Variants in DLG2 observed in about 807,000 individuals in gnomAD.
DLG2 encodes the protein disks large homolog 2.
A neutral mutation model predicts 132.5 loss-of-function variants in DLG2; 45 were observed. That is an observed-to-expected ratio of 0.34 (90% CI 0.27 to 0.44). The LOEUF (loss-of-function observed/expected upper bound fraction) is 0.44. Among genes scored for constraint, DLG2 ranks in the 20% least tolerant of loss-of-function variants. The probability of loss-of-function intolerance (pLI) is 1.00; values close to 1 mark genes in which losing one functional copy is unlikely to be tolerated. For synonymous variants in DLG2, 424 were observed against 419.6 expected, an observed-to-expected ratio of 1.01 and a Z score of -0.13; for missense variants, 1,045 against 1,196.9, an observed-to-expected ratio of 0.87 and a Z score of 1.87.
intron 22 of DLG2, among the ~76,000 whole-genome samples, chr11:83,478,912 T>A (rs984531760): frequency 2.0e-5 from 3 of 152,040 alleles, no homozygotes; most frequent in African/African-American, 7.2e-5. Context: ...GCTTAGTTTC[T>A]TGGTTTAAAA....
At chr11:83,964,664 T>C (rs1256988250) in intron 13 of DLG2, among the ~76,000 whole-genome samples, 2 of 151,988 alleles carry the variant, frequency 1.3e-5, no homozygotes, top group East Asian at 1.9e-4. Context: ...AAGATTCGTG[T>C]TGACCTATTA....
At chr11:84,292,868 G>T (rs2098024707) in intron 7 of DLG2, among the ~76,000 whole-genome samples, 1 of 151,784 alleles carries the variant, frequency 6.6e-6, no homozygotes, top group South Asian at 2.1e-4. Context: ...AATTATCTTG[G>T]GCCACACATA....
chr11:84,278,573 AT>A (rs2097812550), intron 7 of DLG2, among the ~76,000 whole-genome samples: 1 of 152,138 alleles, frequency 6.6e-6, no homozygotes, highest in African/African-American at 2.4e-5. Context: ...ACAAGCAAAA[AT>A]TCTTAAAAAA....
chr11:83,926,057 A>T (rs1222014838), intron 15 of DLG2, among the ~76,000 whole-genome samples: 1 of 152,084 alleles, frequency 6.6e-6, no homozygotes, highest in African/African-American at 2.4e-5. Context: ...AGCCATAGGC[A>T]CTGTGCCAAG....
At chr11:85,598,081 A>C (rs2153233574) in intron 3 of DLG2, among the ~76,000 whole-genome samples, 1 of 152,114 alleles carries the variant, frequency 6.6e-6, no homozygotes, top group South Asian at 2.1e-4. Flanking sequence ...AATAAACATA[A>C]GTTTAAACAT....
intron 6 of DLG2, among the ~76,000 whole-genome samples, chr11:85,055,080 G>T (rs1396457032): frequency 2.6e-5 from 4 of 152,070 alleles, no homozygotes; most frequent in Non-Finnish European, 5.9e-5. Context: ...ACAATGGACT[G>T]GATTCTAACA....
At chr11:85,084,194 T>A (rs1030030041) in intron 6 of DLG2, among the ~76,000 whole-genome samples, 4 of 151,696 alleles carry the variant, frequency 2.6e-5, no homozygotes, top group Admixed American at 6.6e-5. Context: ...AGAAGAAAAA[T>A]TGATTATGGA....
chr11:84,236,924 T>G (rs1025445717), intron 8 of DLG2, among the ~76,000 whole-genome samples: 30 of 140,690 alleles, frequency 2.1e-4, no homozygotes, highest in Admixed American at 3.6e-4. Flanking sequence ...CATCAGTATG[T>G]TTTTTTTTTT....
At chr11:83,931,805 T>C (rs2080288486) in intron 14 of DLG2, among the ~76,000 whole-genome samples, 1 of 152,184 alleles carries the variant, frequency 6.6e-6, no homozygotes. Flanking sequence ...ACCTCGGATT[T>C]TAGAAGAAGG....
At chr11:84,193,514 A>G (rs2096455933) in intron 8 of DLG2, among the ~76,000 whole-genome samples, 1 of 152,230 alleles carries the variant, frequency 6.6e-6, no homozygotes, top group South Asian at 2.1e-4. Context: ...GTTCATTGTT[A>G]TTATACAGTG....
chr11:84,866,700 C>T (rs10898310), intron 6 of DLG2, among the ~76,000 whole-genome samples: 67,004 of 151,992 alleles, frequency 0.44, 15,246 homozygotes, highest in African/African-American at 0.49. Context: ...ATTATAATAA[C>T]TGAAGACACA....
intron 16 of DLG2, among the ~76,000 whole-genome samples, chr11:83,863,919 A>C (rs2154053375): frequency 6.6e-6 from 1 of 152,284 alleles, no homozygotes; most frequent in Non-Finnish European, 1.5e-5. Flanking sequence ...ATGCTCACAC[A>C]TTTTATTATC....
intron 6 of DLG2, among the ~76,000 whole-genome samples, chr11:84,746,497 A>G (rs1597190241): frequency 6.6e-6 from 1 of 152,012 alleles, no homozygotes; most frequent in East Asian, 1.9e-4. Flanking sequence ...GTGAAGTTAA[A>G]GTTATTTTGC....
intron 7 of DLG2, among the ~76,000 whole-genome samples, chr11:84,333,535 T>G (rs566983507): frequency 6.6e-6 from 1 of 152,222 alleles, no homozygotes; most frequent in Non-Finnish European, 1.5e-5. Flanking sequence ...CAATAACTTT[T>G]GAAGCTGCCA....
chr11:84,550,136 A>ACG (rs2154523880), intron 6 of DLG2, among the ~76,000 whole-genome samples: 1 of 152,002 alleles, frequency 6.6e-6, no homozygotes, highest in East Asian at 1.9e-4. Flanking sequence ...ACACACACAC[A>ACG]CACACACACA....
chr11:85,581,025 G>C (rs540320808), intron 3 of DLG2, among the ~76,000 whole-genome samples: 11 of 152,084 alleles, frequency 7.2e-5, no homozygotes, highest in Non-Finnish European at 1.3e-4. Flanking sequence ...CCACTAATGG[G>C]GGGGCACCAG....
At chr11:83,910,955 CAA>C (rs1231739775) in intron 15 of DLG2, among the ~76,000 whole-genome samples, 5 of 152,088 alleles carry the variant, frequency 3.3e-5, no homozygotes, top group African/African-American at 1.2e-4. Context: ...GTTAATGAGA[CAA>C]GACCACAGAA....
At chr11:84,761,366 C>A (rs901455971) in intron 6 of DLG2, among the ~76,000 whole-genome samples, 2 of 152,178 alleles carry the variant, frequency 1.3e-5, no homozygotes, top group African/African-American at 4.8e-5. Context: ...TCTGAAAGGG[C>A]AGACAGCCTA....
At chr11:85,094,612 T>C (rs1327741429) in intron 6 of DLG2, among the ~76,000 whole-genome samples, 2 of 152,320 alleles carry the variant, frequency 1.3e-5, no homozygotes, top group Non-Finnish European at 2.9e-5. Context: ...GCTTGCAACT[T>C]TTCCTCTTGG....
Sources: allele counts gnomAD v4.1 joint callset (sites outside exome capture counted in the v4.1 genomes callset), GRCh38; gene constraint gnomAD v4.1.1; transcripts MANE v1.5; gene names NCBI Gene and HGNC (gene_info 2026-07-23, HGNC 2026-07-21).